The following SAMTOR variants were observed in gnomAD, a reference collection of about 807,000 sequenced individuals.
The protein encoded by SAMTOR is S-adenosylmethionine sensor upstream of mTORC1.
At chr7:112,856,243 A>AC in the SAMTOR span, among the ~76,000 whole-genome samples, 2 of 151,654 alleles carry the variant, frequency 1.3e-5, no homozygotes, top group East Asian at 1.9e-4. Flanking sequence ...ATTTTTATTT[A>AC]CTTTTTTTTT....
chr7:112,918,640 G>A, the SAMTOR span, among the ~76,000 whole-genome samples: 1 of 152,132 alleles, frequency 6.6e-6, no homozygotes, highest in African/African-American at 2.4e-5. Context: ...CCAATTAAAA[G>A]ACACAGACTG....
chr7:112,876,579 G>A, the SAMTOR span, among the ~76,000 whole-genome samples: 1 of 151,972 alleles, frequency 6.6e-6, no homozygotes, highest in Non-Finnish European at 1.5e-5. Context: ...CTTCTTTCTG[G>A]ATCTACCCAG....
the SAMTOR span, among the ~76,000 whole-genome samples, chr7:112,862,477 T>C: frequency 2.6e-5 from 4 of 152,280 alleles, no homozygotes; most frequent in Middle Eastern, 3.4e-3. Context: ...AATTATTGGA[T>C]TGCATTATAT....
chr7:112,822,046 T>C, the SAMTOR span: 1 of 1,613,654 alleles, frequency 6.2e-7, no homozygotes, highest in African/African-American at 1.3e-5. Context: ...TTTGAGTACT[T>C]GAAGCGTTTA....
the SAMTOR span, among the ~76,000 whole-genome samples, chr7:112,830,473 T>C: frequency 1.3e-5 from 2 of 152,282 alleles, no homozygotes; most frequent in African/African-American, 4.8e-5. Context: ...AACCTATCCA[T>C]AAATAGATTT....
the SAMTOR span, among the ~76,000 whole-genome samples, chr7:112,917,860 G>C: frequency 6.6e-6 from 1 of 152,124 alleles, no homozygotes; most frequent in African/African-American, 2.4e-5. Context: ...GATGGAAGAT[G>C]AAATGAATGA....
At chr7:112,889,189 T>C in the SAMTOR span, among the ~76,000 whole-genome samples, 1 of 152,206 alleles carries the variant, frequency 6.6e-6, no homozygotes, top group African/African-American at 2.4e-5. Flanking sequence ...CTCAATTTCA[T>C]TTGTAGTTAG....
At chr7:112,925,619 C>A in the SAMTOR span, among the ~76,000 whole-genome samples, 2 of 152,070 alleles carry the variant, frequency 1.3e-5, no homozygotes, top group East Asian at 3.9e-4. Context: ...CATGGTAAAA[C>A]CCTGCGTCTA....
chr7:112,841,592 G>A, the SAMTOR span, among the ~76,000 whole-genome samples: 1 of 151,920 alleles, frequency 6.6e-6, no homozygotes, highest in Non-Finnish European at 1.5e-5. Context: ...ATTTCATATG[G>A]AACCAAAAAA....
At chr7:112,884,331 G>T in the SAMTOR span, among the ~76,000 whole-genome samples, 1 of 151,994 alleles carries the variant, frequency 6.6e-6, no homozygotes, top group Non-Finnish European at 1.5e-5. Context: ...ACAGTTCCTC[G>T]AAGTCTTAAC....
the SAMTOR span, chr7:112,939,785 C>G: frequency 6.6e-7 from 1 of 1,520,750 alleles, no homozygotes; most frequent in East Asian, 2.3e-5. Context: ...GCCCCTCAGG[C>G]CCCCGCAGAC....
At chr7:112,822,195 C>A in the SAMTOR span, 1 of 1,613,682 alleles carries the variant, frequency 6.2e-7, no homozygotes, top group Non-Finnish European at 8.5e-7. Flanking sequence ...GCAAATCCAT[C>A]GCTGGTAAGG....
At chr7:112,894,062 G>A in the SAMTOR span, among the ~76,000 whole-genome samples, 3 of 152,068 alleles carry the variant, frequency 2.0e-5, no homozygotes, top group Non-Finnish European at 2.9e-5. Context: ...AGTCAGAGGA[G>A]TGCCTCTTTT....
At chr7:112,870,464 G>C in the SAMTOR span, among the ~76,000 whole-genome samples, 1 of 152,094 alleles carries the variant, frequency 6.6e-6, no homozygotes, top group Non-Finnish European at 1.5e-5. Context: ...ATATGAAGGA[G>C]AAATAAAGTA....
the SAMTOR span, chr7:112,939,129 T>G: frequency 6.2e-6 from 1 of 161,380 alleles, no homozygotes; most frequent in South Asian, 1.5e-4. Context: ...AGGAAGGGGG[T>G]CTGATAAGGA....
chr7:112,868,360 C>T, the SAMTOR span, among the ~76,000 whole-genome samples: 5 of 152,108 alleles, frequency 3.3e-5, no homozygotes, highest in African/African-American at 1.2e-4. Flanking sequence ...TACCCTAGAC[C>T]CTGGGGAGGA....
the SAMTOR span, among the ~76,000 whole-genome samples, chr7:112,838,948 A>G: frequency 3.3e-5 from 5 of 151,868 alleles, no homozygotes; most frequent in African/African-American, 9.7e-5. Context: ...TAGAGGTTTC[A>G]TAAGAAAGGA....
At chr7:112,904,105 AG>A in the SAMTOR span, among the ~76,000 whole-genome samples, 1 of 152,194 alleles carries the variant, frequency 6.6e-6, no homozygotes, top group African/African-American at 2.4e-5. Context: ...AGATGTATGG[AG>A]AAACAGACAA....
chr7:112,829,539 C>G, the SAMTOR span, among the ~76,000 whole-genome samples: 98 of 152,026 alleles, frequency 6.4e-4, no homozygotes, highest in Non-Finnish European at 1.1e-3. Context: ...CACTGTGGGT[C>G]CTATTTTCTT....
Sources: allele counts gnomAD v4.1 joint callset (sites outside exome capture counted in the v4.1 genomes callset), GRCh38; gene constraint gnomAD v4.1.1; transcripts MANE v1.5; gene names NCBI Gene and HGNC (gene_info 2026-07-23, HGNC 2026-07-21).